MPDZ: variants seen among roughly 807,000 people sequenced by gnomAD.
The protein encoded by MPDZ is multiple PDZ domain protein.
Under a neutral mutation model 239.1 loss-of-function variants are expected in MPDZ, and 234 were observed. That is an observed-to-expected ratio of 0.98 (90% CI 0.88 to 1.09). MPDZ has a LOEUF of 1.09. Among genes scored for constraint, MPDZ ranks in the 50% least tolerant of loss-of-function variants. The pLI is 0.00. For missense variants in MPDZ, 3,175 were observed against 2,510.0 expected (o/e 1.26, Z -5.66); for synonymous variants, 1,048 against 881.3 (o/e 1.19, Z -3.35).
At position 13,168,544 on chromosome 9, in the gene MPDZ, T is replaced by C. The variant is rs1437478989; in HGVS notation, c.3076A>G (p.Lys1026Glu). ...CGAACGATCATCCCCAAGCCATCTT[T>C]ATTAGCACTAACTGTCATTCCTACA... ...SSLGMTVSAN[K>E]DGLGMIVRSI... Residue 1026 changes from lysine (K) to glutamate (E), a missense_variant, in exon 22 of 47, where the codon AAA becomes GAA. Transcript: ENST00000319217. The C allele has an allele frequency of 6.2e-7, 1 of 1,603,688 alleles. No homozygotes were observed. The highest frequency in any genetic ancestry group is 8.5e-7 in the Non-Finnish European group (1 of 1,176,582).
intron 3 of MPDZ, among the ~76,000 whole-genome samples, chr9:13,226,162 G>A (rs529721172): frequency 4.7e-4 from 72 of 152,034 alleles, no homozygotes; most frequent in Non-Finnish European, 7.1e-4. Context: ...GCAGTCTGGA[G>A]GACTGTGCCC....
At chr9:13,233,901 C>T (rs1030927951) in intron 3 of MPDZ, among the ~76,000 whole-genome samples, 1 of 152,124 alleles carries the variant, frequency 6.6e-6, no homozygotes, top group East Asian at 1.9e-4. Flanking sequence ...TGTGGCCCTC[C>T]ACAGGGTTGA....
Position 13,137,965 on chromosome 9 carries a change from G to C in MPDZ, c.4192C>G (p.Leu1398Val), listed in dbSNP as rs534991500. 1.7e-5 allele frequency: 28 copies of C among 1,613,626 alleles called. No homozygotes were observed. The South Asian group carries it at 3.0e-4, about 17-fold the overall frequency. ...KDGRLQIADE[L>V]LEINGQILYG... The stretch of plus-strand genomic sequence containing the variant: ...TTTCCACAAAAACTTACCTCTAGAA[G>C]CTCATCTGCAATTTGCAATCGACCA... Residue 1398 changes from leucine to valine, a missense_variant, in exon 29 of 47, where the codon CTT becomes GTT. By Grantham distance (32) the Leu-to-Val change is conservative (BLOSUM62 1). Transcript: ENST00000319217.
At chr9:13,194,551 TGG>T (rs1955387344) in intron 13 of MPDZ, among the ~76,000 whole-genome samples, 1 of 151,696 alleles carries the variant, frequency 6.6e-6, no homozygotes. Context: ...TGTAGGGTGG[TGG>T]GGGCAAGGGG....
At chr9:13,247,424 G>A (rs1183767822) in intron 3 of MPDZ, among the ~76,000 whole-genome samples, 6 of 152,090 alleles carry the variant, frequency 3.9e-5, no homozygotes, top group African/African-American at 1.4e-4. Flanking sequence ...TCAACACAAT[G>A]TCATATCATC....
chr9:13,247,528 TTAAC>T, intron 3 of MPDZ, 103 bp downstream of exon 3: 2 of 1,216,544 alleles, frequency 1.6e-6, no homozygotes, highest in Non-Finnish European at 2.3e-6. Flanking sequence ...AATGACTTCA[TTAAC>T]TATTCATTAA....
chr9:13,143,876 C>T (rs947305839), intron 26 of MPDZ, among the ~76,000 whole-genome samples: 2 of 152,036 alleles, frequency 1.3e-5, no homozygotes, highest in East Asian at 1.9e-4. Flanking sequence ...TTTTGCCCAT[C>T]TTATATATTA....
At position 13,224,450 on chromosome 9, in the gene MPDZ, G is replaced by C; in HGVS notation, c.317C>G (p.Thr106Arg). The C allele has an allele frequency of 6.2e-7, 1 of 1,612,952 alleles. No homozygotes were observed. ...ATTAATGTGTGGAATACCAGGTCCT[G>C]TAAGTGCTTCCAGATTCCCATTGTT... ...SPNNGNLEAL[T>R]GPGIPHINGK... Residue 106 changes from threonine (T) to arginine (R), a missense_variant, in exon 4 of 47, where the codon ACA becomes AGA. By Grantham distance (71) the Thr-to-Arg change is moderately conservative (BLOSUM62 -1). Coordinates refer to ENST00000319217, the MANE Select transcript of MPDZ (RefSeq NM_001378778.1).
At chr9:13,200,836 G>T (rs1345102231) in intron 12 of MPDZ, among the ~76,000 whole-genome samples, 6 of 151,752 alleles carry the variant, frequency 4.0e-5, no homozygotes, top group African/African-American at 1.5e-4. Context: ...CTAATATATG[G>T]TCTAGCCTGG....
intron 1 of MPDZ, among the ~76,000 whole-genome samples, chr9:13,278,371 G>C (rs1258830086): frequency 6.6e-6 from 1 of 152,046 alleles, no homozygotes; most frequent in African/African-American, 2.4e-5. Context: ...AGGTCTCCAG[G>C]GGCCCCCACT....
At chr9:13,193,354 CTTTTTA>C in intron 13 of MPDZ, 41 bp from the exon 14 acceptor site, 2 of 1,553,974 alleles carry the variant, frequency 1.3e-6, no homozygotes, top group Non-Finnish European at 1.7e-6. Context: ...TTTTTATATT[CTTTTTA>C]TTTTTACTCA....
chr9:13,186,356 T>C lies in MPDZ; in HGVS notation c.2395A>G (p.Lys799Glu), dbSNP rs150038177. ...LSPEEGYVSA[K>E]EDSFLYPPHS... ...GGTGGGTAGAGAAAGGAATCCTCCT[T>C]AGCAGAAACATAACCTTCTTCTGGT... is the stretch of plus-strand genomic sequence containing the variant. The change falls in exon 18 of 47, where the codon AAG (lysine) becomes GAG (glutamate). Residue 799 changes from lysine to glutamate, a missense_variant. Physicochemically the swap from Lys to Glu is moderately conservative, Grantham distance 56 (BLOSUM62 1). Coordinates refer to ENST00000319217, the MANE Select transcript of MPDZ (RefSeq NM_001378778.1). 3.3e-3 allele frequency: 5,312 copies of C among 1,586,908 alleles called. 14 individuals carry two copies. Among genetic ancestry groups the C allele is most frequent in the Non-Finnish European group, 4.2e-3 (4,937 of 1,165,796 alleles).
chr9:13,249,861 G>A (rs1340816013), intron 2 of MPDZ, among the ~76,000 whole-genome samples: 2 of 152,128 alleles, frequency 1.3e-5, no homozygotes, highest in African/African-American at 4.8e-5. Context: ...TAAAGCATAA[G>A]ACTAAGCAAC....
intron 1 of MPDZ, among the ~76,000 whole-genome samples, chr9:13,272,665 C>A (rs1235013144): frequency 7.0e-6 from 1 of 143,746 alleles, no homozygotes; most frequent in Non-Finnish European, 1.5e-5. Flanking sequence ...GCGTTCAAGA[C>A]CAGCCAGGCT....
chr9:13,125,312 G>T lies in MPDZ; in HGVS notation c.4711C>A (p.Pro1571Thr), dbSNP rs1944956393. The T allele has an allele frequency of 9.9e-6, 16 of 1,613,764 alleles. No homozygotes were observed. The highest frequency in any genetic ancestry group is 1.4e-5 in the Non-Finnish European group (16 of 1,179,768). The change falls in exon 35 of 47, where the codon CCT becomes ACT. Residue 1571 changes from proline to threonine, a missense_variant. By Grantham distance (38) the Pro-to-Thr change is conservative. Transcript: ENST00000319217. ...HAENPDSQAV[P>T]SAAGAASGEK... is the part of the protein sequence containing the mutation. The stretch of plus-strand genomic sequence containing the variant: ...CCACTGGCTGCACCAGCTGCTGAAG[G>T]AACAGCCTGGGAATCTGGATTCTCA...
intron 1 of MPDZ, among the ~76,000 whole-genome samples, chr9:13,268,293 A>G (rs2139127081): frequency 6.6e-6 from 1 of 152,192 alleles, no homozygotes; most frequent in Admixed American, 6.5e-5. Context: ...GTATAGGAAG[A>G]TTTAGCATGT....
intron 7 of MPDZ, among the ~76,000 whole-genome samples, 166 bp from the exon 8 acceptor site, chr9:13,219,934 A>G (rs1041507): frequency 0.98 from 149,489 of 152,056 alleles, 73,531 homozygotes; most frequent in Middle Eastern, 1. Context: ...AAACATCCTA[A>G]CATCATTCAG....
At chr9:13,236,223 GTGTA>G (rs1963913354) in intron 3 of MPDZ, among the ~76,000 whole-genome samples, 3 of 94,422 alleles carry the variant, frequency 3.2e-5, no homozygotes, top group African/African-American at 7.7e-5. Context: ...GTGTGTGTGT[GTGTA>G]TATGTATATG....
chr9:13,151,693 G>A (rs1337299538), intron 24 of MPDZ, among the ~76,000 whole-genome samples: 1 of 152,024 alleles, frequency 6.6e-6, no homozygotes. Flanking sequence ...TTTGCAAGAT[G>A]AAAAAAGTTC....
Sources: gnomAD v4.1 joint callset for allele counts (sites outside exome capture counted in the v4.1 genomes callset) on GRCh38, gnomAD v4.1.1 for gene constraint, MANE v1.5 for transcripts, NCBI Gene and HGNC (gene_info 2026-07-23, HGNC 2026-07-21) for gene names.